ITM2B: variants seen among roughly 807,000 people sequenced by gnomAD.
The protein encoded by ITM2B is ABri/ADan amyloid peptide.
In ITM2B, 11 loss-of-function variants were observed where a neutral mutation model predicts 27.8. The observed-to-expected ratio is 0.40, with a 90% CI of 0.25 to 0.66. ITM2B has a LOEUF of 0.66. ITM2B is among the 30% of genes least tolerant of loss of function. The pLI, the probability that ITM2B is intolerant of heterozygous loss-of-function variation, is 0.43. For synonymous variants in ITM2B, 114 were observed against 114.3 expected, an observed-to-expected ratio of 1.00 and a Z score of 0.02; for missense variants, 296 against 328.9, an observed-to-expected ratio of 0.90 and a Z score of 0.77.
rs1287618313 is a variant in ITM2B, at chr13:48,256,363, A to G, written c.433A>G (p.Ile145Val). 2 of 1,613,354 alleles carry G rather than the reference A, an allele frequency of 1.2e-6. No individual in the cohort carries two copies. The highest frequency in any genetic ancestry group is 8.5e-7 in the Non-Finnish European group (1 of 1,179,460). The change falls in exon 3 of 6, where the codon ATT becomes GTT. Residue 145 changes from isoleucine (I) to valine (V), a missense_variant. Physicochemically the swap from Ile to Val is conservative, Grantham distance 29. Coordinates refer to ENST00000647800, the MANE Select transcript of ITM2B (RefSeq NM_021999.5). ...GTTTGCAGATAGTGATCCTGCCAAC[A>G]TTGTTCATGACTTTAACAAGGTGAG... ...PEFADSDPAN[I>V]VHDFNKKLTA...
intron 1 of ITM2B, 86 bp downstream of exon 1, chr13:48,233,563 T>C (rs1371307192): frequency 3.5e-6 from 3 of 864,108 alleles, no homozygotes; most frequent in Non-Finnish European, 5.0e-6. Flanking sequence ...CGCCCCGAGG[T>C]GGCGGGCGCG....
rs1951837125 is a variant in ITM2B at position 48,264,011 on chromosome 13, T to C, written c.*2787T>C. ...CTCTAGTTTGCTGCTTTGCAACACA[T>C]TCTGCCCCTATTGCATTGGTTTAAA... On this transcript the variant is annotated 3_prime_UTR_variant, in exon 6 of 6. Coordinates refer to ENST00000647800, the MANE Select transcript of ITM2B (RefSeq NM_021999.5). 6.6e-6 allele frequency: 1 copy of C among 152,098 alleles called. No individual in the cohort carries two copies. Among genetic ancestry groups the C allele is most frequent in the Admixed American group, 6.5e-5 (1 of 15,268 alleles). 9.4% of individuals were successfully genotyped at this position (152,098 alleles called of 1,614,324 possible).
At chr13:48,260,789 G>A (rs1951817511) in intron 5 of ITM2B, among the ~76,000 whole-genome samples, 1 of 152,062 alleles carries the variant, frequency 6.6e-6, no homozygotes, top group Non-Finnish European at 1.5e-5. Flanking sequence ...CACGTGCCAT[G>A]AAATTTACCC....
chr13:48,257,866 T>C (rs1408483477), intron 3 of ITM2B, among the ~76,000 whole-genome samples: 1 of 152,192 alleles, frequency 6.6e-6, no homozygotes, highest in African/African-American at 2.4e-5. Context: ...AATAAGTATT[T>C]GCAGTTAATT....
chr13:48,258,155 G>C lies in ITM2B; in HGVS notation c.483G>C (p.Leu161=), dbSNP rs1951800599. The change falls in exon 4 of 6, where the codon CTG becomes CTC. Residue 161 remains leucine (L), a synonymous_variant. Coordinates refer to ENST00000647800, the MANE Select transcript of ITM2B (RefSeq NM_021999.5). ...TTACAGCCTATTTAGATCTTAACCT[G>C]GATAAGTGCTATGTGATCCCTCTGA... ...KKLTAYLDLN[L]DKCYVIPLNT... is the part of the protein sequence containing the mutation. 6.2e-7 allele frequency: 1 copy of C among 1,600,944 alleles called. No individual in the cohort carries two copies. The highest frequency in any genetic ancestry group is 8.6e-7 in the Non-Finnish European group (1 of 1,168,344).
At chr13:48,260,427 C>T (rs561652768) in intron 5 of ITM2B, among the ~76,000 whole-genome samples, 2 of 152,160 alleles carry the variant, frequency 1.3e-5, no homozygotes, top group Admixed American at 6.5e-5. Context: ...GCCACACTCT[C>T]TTCCACAATG....
intron 3 of ITM2B, among the ~76,000 whole-genome samples, chr13:48,257,724 GT>G (rs1309911244): frequency 6.6e-6 from 1 of 152,114 alleles, no homozygotes; most frequent in Admixed American, 6.6e-5. Context: ...TTAAATGACT[GT>G]TTTTCTAATG....
rs1951854274 is a variant in ITM2B at position 48,266,511 on chromosome 13, G to C, written c.*5287G>C. On this transcript the variant is annotated 3_prime_UTR_variant, in exon 6 of 6. Coordinates refer to ENST00000647800, the MANE Select transcript of ITM2B (RefSeq NM_021999.5). ...GCTCATACTGTGTCCTCAGTATTTG[G>C]CACATAATAGGTTTTCTTGACACTG... The C allele has an allele frequency of 6.6e-6, 1 of 151,956 alleles. No individual in the cohort carries two copies. The highest frequency in any genetic ancestry group is 1.5e-5 in the Non-Finnish European group (1 of 68,004). The allele number at this position is 151,956 out of a possible 1,614,324, so 9.4% of individuals were successfully genotyped here. A position where few individuals can be genotyped will look rare whatever the true frequency, so the allele number is the denominator to read the frequency against.
rs1286671404 is a variant in ITM2B at position 48,264,159 on chromosome 13, AAAT to A, written c.*2940_*2942del. The A allele has an allele frequency of 6.6e-6, 1 of 152,180 alleles. No individual in the cohort carries two copies. Among genetic ancestry groups the A allele is most frequent in the Non-Finnish European group, 1.5e-5 (1 of 68,038 alleles). The allele number at this position is 152,180 out of a possible 1,614,324, so 9.4% of individuals were successfully genotyped here. On this transcript the variant is annotated 3_prime_UTR_variant, in exon 6 of 6. Coordinates refer to ENST00000647800, the MANE Select transcript of ITM2B (RefSeq NM_021999.5). ...TGGCTTAAGAGGTGGCTGAGAATTAAAATAATAGGCATGAAAATGCTTCATACA... is the reference window on the plus strand; with the variant it reads ...TGGCTTAAGAGGTGGCTGAGAATTAAAATAGGCATGAAAATGCTTCATACA...
Position 48,269,875 on chromosome 13 carries a change from T to C in ITM2B, c.*8651T>C, listed in dbSNP as rs1463857795. 2 of 152,262 alleles carry C rather than the reference T, an allele frequency of 1.3e-5. No homozygotes were observed. Among genetic ancestry groups the C allele is most frequent in the Non-Finnish European group, 2.9e-5 (2 of 68,080 alleles). The allele number at this position is 152,262 out of a possible 1,614,324, so 9.4% of individuals were successfully genotyped here. ...ATGAAGACTGTTTCAAGTTCGAGGA[T>C]GGGCAAAAATAATGACTAGGACTTG... On this transcript the variant is annotated 3_prime_UTR_variant, in exon 6 of 6. Transcript: ENST00000647800.
chr13:48,260,946 T>C (rs1414195567), intron 5 of ITM2B, among the ~76,000 whole-genome samples, 193 bp from the exon 6 acceptor site: 1 of 152,192 alleles, frequency 6.6e-6, no homozygotes, highest in Non-Finnish European at 1.5e-5. Flanking sequence ...CTGTGATCTG[T>C]CAAGATATTA....
intron 1 of ITM2B, among the ~76,000 whole-genome samples, chr13:48,239,036 T>C (rs1056951395): frequency 2.6e-5 from 4 of 152,208 alleles, no homozygotes; most frequent in African/African-American, 9.6e-5. Context: ...AAAGATGCAT[T>C]GTTAATTAAA....
intron 5 of ITM2B, among the ~76,000 whole-genome samples, chr13:48,260,028 G>A (rs1005622796): frequency 3.3e-5 from 5 of 152,012 alleles, no homozygotes; most frequent in African/African-American, 1.2e-4. Context: ...GCCCCAGTGT[G>A]TGATGTTCCC....
intron 1 of ITM2B, among the ~76,000 whole-genome samples, chr13:48,239,995 A>C (rs1442361859): frequency 6.6e-6 from 1 of 152,200 alleles, no homozygotes; most frequent in African/African-American, 2.4e-5. Context: ...TTCAGGAAGC[A>C]GCAGCACTAG....
At chr13:48,240,153 A>G (rs1279004272) in intron 1 of ITM2B, among the ~76,000 whole-genome samples, 1 of 152,226 alleles carries the variant, frequency 6.6e-6, no homozygotes, top group Admixed American at 6.5e-5. Flanking sequence ...TAACAATAAT[A>G]GCACAATGCC....
At chr13:48,242,395 TTC>T (rs1951704654) in intron 1 of ITM2B, among the ~76,000 whole-genome samples, 2 of 150,264 alleles carry the variant, frequency 1.3e-5, no homozygotes, top group Admixed American at 6.6e-5. Context: ...CCAAGTTTCT[TTC>T]TTTCTTTCTT....
At chr13:48,239,556 TGG>T (rs1951687762) in intron 1 of ITM2B, among the ~76,000 whole-genome samples, 1 of 152,160 alleles carries the variant, frequency 6.6e-6, no homozygotes, top group African/African-American at 2.4e-5. Flanking sequence ...CGCTTGAATC[TGG>T]GAGATGGAGG....
In ITM2B at chr13:48,269,028, G is replaced by A. The variant is rs1488546405; in HGVS notation, c.*7804G>A. On this transcript the variant is annotated 3_prime_UTR_variant, in exon 6 of 6. Coordinates refer to ENST00000647800, the MANE Select transcript of ITM2B (RefSeq NM_021999.5). ...AATTCCCCTTAAGGCATACGTTGCT[G>A]TCTTTTCCAAATTCCCATTTTGCTT... is the stretch of plus-strand genomic sequence containing the variant. The A allele has an allele frequency of 4.6e-5, 7 of 152,114 alleles. No individual in the cohort carries two copies. The highest frequency in any genetic ancestry group is 1.2e-4 in the African/African-American group (5 of 41,406). 9.4% of individuals were successfully genotyped at this position (152,114 alleles called of 1,614,324 possible).
intron 1 of ITM2B, among the ~76,000 whole-genome samples, chr13:48,250,632 G>T (rs1217276276): frequency 6.6e-6 from 1 of 150,808 alleles, no homozygotes; most frequent in Non-Finnish European, 1.5e-5. Flanking sequence ...AAAAAAAAAA[G>T]ATCTAAGTTT....
Sources: allele counts gnomAD v4.1 joint callset (sites outside exome capture counted in the v4.1 genomes callset), GRCh38; gene constraint gnomAD v4.1.1; transcripts MANE v1.5; gene names NCBI Gene and HGNC (gene_info 2026-07-23, HGNC 2026-07-21).